The following TUSC3 variants were observed in gnomAD, a reference collection of about 807,000 sequenced individuals.
The protein encoded by TUSC3 is tumor suppressor candidate 3.
A neutral mutation model predicts 44.8 loss-of-function variants in TUSC3; 45 were observed. The ratio of observed to expected loss-of-function variants is 1.00; its 90% confidence interval spans 0.79 to 1.29. The LOEUF (loss-of-function observed/expected upper bound fraction) is 1.29. Ranked by LOEUF, TUSC3 falls within the 50% of genes most tolerant of loss-of-function variation. The pLI, the probability that TUSC3 is intolerant of heterozygous loss-of-function variation, is 0.00. For missense variants in TUSC3, 519 were observed against 437.9 expected, an observed-to-expected ratio of 1.19 and a Z score of -1.65; for synonymous variants, 212 against 152.9, an observed-to-expected ratio of 1.39 and a Z score of -2.85.
the TUSC3 span, chr8:15,806,893 C>T: frequency 2.9e-5 from 36 of 1,258,840 alleles, no homozygotes; most frequent in South Asian, 1.2e-4. Flanking sequence ...GAAAGTAAGA[C>T]GCTTACATCT....
the TUSC3 span, among the ~76,000 whole-genome samples, chr8:15,778,398 G>T: frequency 6.6e-6 from 1 of 152,118 alleles, no homozygotes; most frequent in Admixed American, 6.6e-5. Flanking sequence ...AATATTAGTT[G>T]TTATTGACTA....
intron 7 of TUSC3, among the ~76,000 whole-genome samples, chr8:15,734,849 G>C (rs954565993): frequency 6.6e-6 from 1 of 152,180 alleles, no homozygotes; most frequent in Non-Finnish European, 1.5e-5. Context: ...TTTATTGCAG[G>C]AAGATAAATT....
At chr8:15,602,349 A>G (rs78034686) in intron 1 of TUSC3, among the ~76,000 whole-genome samples, 2,459 of 151,754 alleles carry the variant, frequency 0.016, 78 homozygotes, top group African/African-American at 0.055. Flanking sequence ...GTCTGGACAA[A>G]CTTCCATCAT....
chr8:15,504,609 ATATATATATATATTTTT>A (rs1450361749), intron 2 of TUSC3, among the ~76,000 whole-genome samples: 39 of 25,964 alleles, frequency 1.5e-3, no homozygotes, highest in South Asian at 3.5e-3. Context: ...ATATATATAT[ATATATATATATATTTTT>A]TTTTTTTTTT....
the TUSC3 span, among the ~76,000 whole-genome samples, chr8:15,822,136 T>C: frequency 2.0e-5 from 3 of 152,114 alleles, no homozygotes; most frequent in Non-Finnish European, 2.9e-5. Flanking sequence ...GCTTGAGCAA[T>C]AGGAAGGAAG....
At chr8:15,470,389 G>C (rs1800474469) in intron 1 of TUSC3, among the ~76,000 whole-genome samples, 1 of 151,856 alleles carries the variant, frequency 6.6e-6, no homozygotes, top group African/African-American at 2.4e-5. Flanking sequence ...CTTATACATT[G>C]TCATTAAGTC....
At chr8:15,676,475 A>G (rs992202374) in intron 6 of TUSC3, among the ~76,000 whole-genome samples, 2 of 152,138 alleles carry the variant, frequency 1.3e-5, no homozygotes, top group Admixed American at 6.6e-5. Flanking sequence ...TTTTAGTTTA[A>G]TTAGGTCCCA....
At chr8:15,456,425 A>G (rs974310878) in intron 1 of TUSC3, among the ~76,000 whole-genome samples, 8 of 152,224 alleles carry the variant, frequency 5.3e-5, no homozygotes, top group African/African-American at 1.7e-4. Context: ...TTTAAAATGT[A>G]TTTGGAAACG....
rs200596870 is a variant in TUSC3 at position 15,659,504 on chromosome 8, C to T, written c.427-3C>T. On this transcript the variant is annotated splice_polypyrimidine_tract_variant and splice_region_variant and intron_variant, in intron 3 of 10. Transcript: ENST00000503731. ...TTTAGTATTTTTTTCTCATGTTTTA[C>T]AGCTCAACATGAACTCTGCTCCTAC... 6.2e-6 allele frequency: 10 copies of T among 1,611,708 alleles called. No individual in the cohort carries two copies. In the Admixed American group the frequency reaches 1.0e-4, roughly 16 times the overall value.
the TUSC3 span, among the ~76,000 whole-genome samples, chr8:15,833,389 A>G: frequency 6.6e-6 from 1 of 152,182 alleles, no homozygotes; most frequent in Admixed American, 6.6e-5. Flanking sequence ...AATCATTTTA[A>G]CATGAAGACA....
At chr8:15,516,083 G>A (rs1450885524) in intron 2 of TUSC3, among the ~76,000 whole-genome samples, 1 of 152,122 alleles carries the variant, frequency 6.6e-6, no homozygotes, top group East Asian at 1.9e-4. Flanking sequence ...AATGTATAAA[G>A]CAGTAAGATT....
At chr8:15,556,084 C>G (rs1183913204) in intron 1 of TUSC3, among the ~76,000 whole-genome samples, 1 of 149,958 alleles carries the variant, frequency 6.7e-6, no homozygotes, top group Admixed American at 6.7e-5. Flanking sequence ...TATACATGTG[C>G]CAAGCTGGTG....
At chr8:15,627,053 C>G (rs919006768) in intron 2 of TUSC3, among the ~76,000 whole-genome samples, 1 of 152,184 alleles carries the variant, frequency 6.6e-6, no homozygotes. Flanking sequence ...CACCCATGCA[C>G]CAGTCAGCGC....
rs1196067950 is a variant in TUSC3, at chr8:15,608,114, A to G, written c.139-14966A>G. 2.6e-5 allele frequency among the ~76,000 whole-genome samples: 4 copies of G among 152,168 alleles called. 1 individual carries two copies. The highest frequency in any genetic ancestry group is 2.1e-4 in the South Asian group (1 of 4,836). On this transcript the variant is annotated intron_variant, in intron 1 of 10. Coordinates refer to ENST00000503731, the MANE Select transcript of TUSC3 (RefSeq NM_006765.4). ...TGTATTTGCATTTAATTAGCACTAT[A>G]TTCACATTTGGCTTTTACCATAGCT...
chr8:15,554,758 C>G (rs974111662), intron 1 of TUSC3, among the ~76,000 whole-genome samples: 1 of 150,116 alleles, frequency 6.7e-6, no homozygotes, highest in Admixed American at 6.7e-5. Context: ...GCCCTCACCA[C>G]GCCCGGCTAA....
chr8:15,513,063 C>G (rs866305325), intron 2 of TUSC3, among the ~76,000 whole-genome samples: 1 of 150,112 alleles, frequency 6.7e-6, no homozygotes, highest in Non-Finnish European at 1.5e-5. Flanking sequence ...TTAGGAATTA[C>G]AATTGTAACG....
the TUSC3 span, among the ~76,000 whole-genome samples, chr8:15,844,634 C>T: frequency 0.093 from 14,155 of 152,126 alleles, 775 homozygotes; most frequent in Middle Eastern, 0.21. Flanking sequence ...TTAAAAATCT[C>T]CATTATTGCA....
chr8:15,588,756 CT>C (rs1803700074), intron 1 of TUSC3, among the ~76,000 whole-genome samples: 1 of 152,096 alleles, frequency 6.6e-6, no homozygotes. Flanking sequence ...GTCCAGTTCA[CT>C]TTCTGCATAT....
the TUSC3 span, among the ~76,000 whole-genome samples, chr8:15,777,036 A>G: frequency 2.6e-5 from 4 of 152,116 alleles, no homozygotes; most frequent in African/African-American, 7.2e-5. Flanking sequence ...CAAAAAATGT[A>G]TTTTACATGT....
Sources: gnomAD v4.1 joint callset for allele counts (sites outside exome capture counted in the v4.1 genomes callset) on GRCh38, gnomAD v4.1.1 for gene constraint, MANE v1.5 for transcripts, NCBI Gene and HGNC (gene_info 2026-07-23, HGNC 2026-07-21) for gene names.